ADAMDEC1: variants seen among roughly 807,000 people sequenced by gnomAD.
The protein encoded by ADAMDEC1 is ADAM like decysin 1.
ADAMDEC1 carries 62 observed loss-of-function variants against 60.4 expected under a neutral mutation model. The observed-to-expected ratio is 1.03, with a 90% confidence interval of 0.84 to 1.27. The LOEUF is 1.27. Among genes scored for constraint, ADAMDEC1 ranks in the 50% most tolerant of loss-of-function variants. The probability of loss-of-function intolerance (pLI) is 0.00; values close to 1 mark genes in which losing one functional copy is unlikely to be tolerated. For synonymous variants in ADAMDEC1, 210 were observed against 195.1 expected, an observed-to-expected ratio of 1.08 and a Z score of -0.64; for missense variants, 595 against 565.0, an observed-to-expected ratio of 1.05 and a Z score of -0.54.
At chr8:24,401,193 A>G (rs1817757729) in intron 11 of ADAMDEC1, among the ~76,000 whole-genome samples, 1 of 152,120 alleles carries the variant, frequency 6.6e-6, no homozygotes, top group African/African-American at 2.4e-5. Flanking sequence ...TGATGCACAA[A>G]TTTTAAAAAC....
intron 5 of ADAMDEC1, 110 bp from the exon 6 acceptor site, chr8:24,397,160 C>G (rs918620762): frequency 2.1e-6 from 2 of 971,770 alleles, no homozygotes; most frequent in Admixed American, 5.2e-5. Context: ...CTATGAATGA[C>G]AAGGCTATGT....
intron 2 of ADAMDEC1, among the ~76,000 whole-genome samples, chr8:24,392,665 C>T (rs1209838350): frequency 1.3e-5 from 2 of 151,570 alleles, no homozygotes; most frequent in Non-Finnish European, 3.0e-5. Flanking sequence ...GGTCGGCCAT[C>T]TTTAACGGAG....
intron 11 of ADAMDEC1, among the ~76,000 whole-genome samples, chr8:24,401,679 C>A (rs116417503): frequency 6.6e-6 from 1 of 152,106 alleles, no homozygotes; most frequent in Admixed American, 6.6e-5. Flanking sequence ...ATCCTTCCAG[C>A]TCTGTGACTT....
rs375711922 is a variant in ADAMDEC1 at position 24,392,399 on chromosome 8, C to G, written c.207+19C>G. The G allele has an allele frequency of 1.5e-5, 23 of 1,537,200 alleles. No individual in the cohort carries two copies. In the African/African-American group the frequency reaches 1.8e-4, roughly 12 times the overall value. On this transcript the variant is annotated intron_variant, in intron 2 of 13. Transcript: ENST00000256412. ...CAAAGAGGTAAGCAAGGTGAATGACCGTGGTAGATGTTACAATCATCCAAA... is the reference window on the plus strand; with the variant it reads ...CAAAGAGGTAAGCAAGGTGAATGACGGTGGTAGATGTTACAATCATCCAAA...
At chr8:24,397,854 C>T in intron 7 of ADAMDEC1, 109 bp downstream of exon 7, 1 of 1,003,644 alleles carries the variant, frequency 1.0e-6, no homozygotes, top group Non-Finnish European at 1.5e-6. Context: ...GGCATTTGTC[C>T]ACCTGGGTGT....
intron 1 of ADAMDEC1, chr8:24,387,225 T>C (rs1817314434): frequency 6.6e-6 from 1 of 152,208 alleles, no homozygotes; most frequent in South Asian, 2.1e-4. Context: ...TCCACTTGAC[T>C]AAGACAGGGT....
At chr8:24,394,853 T>C (rs1030676583) in intron 4 of ADAMDEC1, among the ~76,000 whole-genome samples, 1 of 152,362 alleles carries the variant, frequency 6.6e-6, no homozygotes, top group African/African-American at 2.4e-5. Flanking sequence ...CAGTGTCTGA[T>C]AAATTAATTT....
rs7010014 is a variant in ADAMDEC1, at chr8:24,386,508, G to A, written c.88+1916G>A. Reference sequence around the variant, plus strand: ...GGATTGCAAGAAGGTTTTACTTGGCGTTCTGCCATATTCACCAATCTACTG... The same window carrying A: ...GGATTGCAAGAAGGTTTTACTTGGCATTCTGCCATATTCACCAATCTACTG... On this transcript the variant is annotated intron_variant, in intron 1 of 13. Transcript: ENST00000256412. 4.7e-4 allele frequency among the ~76,000 whole-genome samples: 72 copies of A among 152,252 alleles called. No individual in the cohort carries two copies. In the South Asian group the frequency reaches 0.014, roughly 30 times the overall value.
At chr8:24,397,492 A>G (rs1412046388) in intron 6 of ADAMDEC1, 36 bp downstream of exon 6, 1 of 1,604,538 alleles carries the variant, frequency 6.2e-7, no homozygotes, top group South Asian at 1.1e-5. Flanking sequence ...ATTTACTTCA[A>G]TTGTCTCAGC....
intron 3 of ADAMDEC1, 116 bp downstream of exon 3, chr8:24,393,454 T>C (rs2129359199): frequency 1.6e-6 from 1 of 627,872 alleles, no homozygotes; most frequent in South Asian, 2.7e-5. Flanking sequence ...CATTTTGAGC[T>C]TTAGATGATA....
chr8:24,393,168 C>A, intron 2 of ADAMDEC1, 94 bp from the exon 3 acceptor site: 1 of 683,920 alleles, frequency 1.5e-6, no homozygotes, highest in Non-Finnish European at 2.3e-6. Flanking sequence ...ATCCTATATG[C>A]ATTTGTAATT....
rs986877376 is a variant in ADAMDEC1, at chr8:24,394,149, T to C, written c.363+2T>C. The C allele has an allele frequency of 6.2e-7, 1 of 1,605,166 alleles. No individual in the cohort carries two copies. Among genetic ancestry groups the C allele is most frequent in the Non-Finnish European group, 8.5e-7 (1 of 1,172,186 alleles). The stretch of plus-strand genomic sequence containing the variant: ...ATTACCACGAAACCTGAGAACATGG[T>C]AGGGTCCGAATACTTTGTGGGTCTC... On this transcript the variant is annotated splice_donor_variant, in intron 4 of 13. Transcript: ENST00000256412. LOFTEE classifies it high-confidence loss of function.
chr8:24,401,687 C>G lies in ADAMDEC1; in HGVS notation c.1143-228C>G, dbSNP rs575529971. ...AATTGAAATCCTTCCAGCTCTGTGACTTAGGCTCTAGGAAGAAAAATGTCC... is the reference window on the plus strand; with the variant it reads ...AATTGAAATCCTTCCAGCTCTGTGAGTTAGGCTCTAGGAAGAAAAATGTCC... On this transcript the variant is annotated intron_variant, in intron 11 of 13. Coordinates refer to ENST00000256412, the MANE Select transcript of ADAMDEC1 (RefSeq NM_014479.3). Among the ~76,000 whole-genome samples the G allele has an allele frequency of 2.6e-5, 4 of 152,236 alleles. No homozygotes were observed. The East Asian group carries it at 7.7e-4, about 29-fold the overall frequency.
Position 24,393,324 on chromosome 8 carries a change from C to A in ADAMDEC1, c.270C>A (p.Ser90=). Residue 90 remains serine (S), a synonymous_variant, in exon 3 of 14, where the codon TCC becomes TCA. Coordinates refer to ENST00000256412, the MANE Select transcript of ADAMDEC1 (RefSeq NM_014479.3). ...MILNGEEIIL[S]LQKTKHLLGP... ...TAAATGGAGAAGAAATCATTCTCTC[C>A]CTACAAAAAACCAAGTAAGTTGTAC... The A allele has an allele frequency of 6.2e-7, 1 of 1,601,760 alleles. No homozygotes were observed. Among genetic ancestry groups the A allele is most frequent in the African/African-American group, 1.3e-5 (1 of 74,444 alleles).
chr8:24,392,686 T>C (rs1817477001), intron 2 of ADAMDEC1, among the ~76,000 whole-genome samples: 1 of 152,188 alleles, frequency 6.6e-6, no homozygotes, highest in East Asian at 1.9e-4. Flanking sequence ...ATGTTGTTCC[T>C]GGCAAGCCTC....
At position 24,395,485 on chromosome 8, in the gene ADAMDEC1, C is replaced by G. The variant is rs148246391; in HGVS notation, c.364-235C>G. ...AATGTCAGAAAAACAGTTCAGCCAC[C>G]AAATATAGAGAGTTTCCAGTGAAGC... On this transcript the variant is annotated intron_variant, in intron 4 of 13. Coordinates refer to ENST00000256412, the MANE Select transcript of ADAMDEC1 (RefSeq NM_014479.3). Among the ~76,000 whole-genome samples, 47 of 152,286 alleles carry G rather than the reference C, an allele frequency of 3.1e-4. No homozygotes were observed. The East Asian group carries it at 8.9e-3, about 29-fold the overall frequency.
chr8:24,384,364 T>C lies in ADAMDEC1; in HGVS notation c.-141T>C, dbSNP rs184769125. 1.1e-5 allele frequency: 7 copies of C among 637,036 alleles called. No homozygotes were observed. In the Admixed American group the frequency reaches 1.9e-4, roughly 18 times the overall value. The allele number at this position is 637,036 out of a possible 1,614,324, so 39.5% of individuals were successfully genotyped here. The stretch of plus-strand genomic sequence containing the variant: ...AGGAACATTCTCATGATGTTGACAC[T>C]GCAATTTTTTGACAATTTCCCAACA... On this transcript the variant is annotated 5_prime_UTR_variant, in exon 1 of 14. Transcript: ENST00000256412.
chr8:24,402,471 A>C (rs1817790201), intron 12 of ADAMDEC1, among the ~76,000 whole-genome samples: 1 of 152,158 alleles, frequency 6.6e-6, no homozygotes, highest in Non-Finnish European at 1.5e-5. Context: ...GTCTTTTCTC[A>C]TCAAGCCAGT....
intron 9 of ADAMDEC1, 123 bp downstream of exon 9, chr8:24,399,163 A>T: frequency 2.6e-6 from 3 of 1,162,556 alleles, no homozygotes; most frequent in South Asian, 3.2e-5. Context: ...ACATTTTACC[A>T]CTAGCAATTC....
Sources: allele counts gnomAD v4.1 joint callset (sites outside exome capture counted in the v4.1 genomes callset), GRCh38; gene constraint gnomAD v4.1.1; transcripts MANE v1.5; gene names NCBI Gene and HGNC (gene_info 2026-07-23, HGNC 2026-07-21).